Variants in TENM4 observed in about 807,000 individuals in gnomAD.
TENM4 encodes the protein teneurin transmembrane protein 4.
A neutral mutation model predicts 243.3 loss-of-function variants in TENM4; 82 were observed. The observed-to-expected ratio is 0.34, with a 90% CI of 0.28 to 0.40. The LOEUF is 0.40. Ranked by LOEUF, TENM4 falls within the 10% of genes least tolerant of loss-of-function variation. The pLI is 1.00. For missense variants in TENM4, 3,138 were observed against 3,673.3 expected, an observed-to-expected ratio of 0.85 and a Z score of 3.77; for synonymous variants, 1,412 against 1,456.3, an observed-to-expected ratio of 0.97 and a Z score of 0.69.
intron 1 of TENM4, among the ~76,000 whole-genome samples, chr11:79,326,586 G>A (rs1320885916): frequency 6.6e-6 from 1 of 152,138 alleles, no homozygotes; most frequent in Non-Finnish European, 1.5e-5. Context: ...TCCTCTTCCT[G>A]TCCTGCTCAC....
chr11:78,721,824 C>T (rs1859660329), intron 24 of TENM4, among the ~76,000 whole-genome samples: 1 of 152,126 alleles, frequency 6.6e-6, no homozygotes, highest in African/African-American at 2.4e-5. Flanking sequence ...GGCGCAATTC[C>T]TCTTGAAAGG....
At chr11:78,708,236 TG>T (rs1859304006) in intron 27 of TENM4, 124 bp downstream of exon 27, 3 of 1,288,586 alleles carry the variant, frequency 2.3e-6, no homozygotes, top group Non-Finnish European at 3.2e-6. Context: ...CATCACAGCC[TG>T]GCACCAAGTA....
intron 28 of TENM4, among the ~76,000 whole-genome samples, chr11:78,690,526 C>A (rs1046485928): frequency 6.6e-6 from 1 of 152,048 alleles, no homozygotes; most frequent in Non-Finnish European, 1.5e-5. Flanking sequence ...CAAGGTAAAA[C>A]CACACGTGAG....
chr11:78,815,430 C>T (rs1857587001), intron 12 of TENM4, among the ~76,000 whole-genome samples: 1 of 152,172 alleles, frequency 6.6e-6, no homozygotes. Flanking sequence ...GCACTACTTG[C>T]ATCCCCAGAC....
chr11:79,345,841 T>C (rs549262977), intron 1 of TENM4, among the ~76,000 whole-genome samples: 1 of 152,342 alleles, frequency 6.6e-6, no homozygotes, highest in South Asian at 2.1e-4. Flanking sequence ...GGAATGTATT[T>C]TAATAGGACT....
intron 1 of TENM4, among the ~76,000 whole-genome samples, chr11:79,366,730 G>T (rs373904239): frequency 6.6e-6 from 1 of 152,176 alleles, no homozygotes; most frequent in Non-Finnish European, 1.5e-5. Context: ...GGCCTGGGAA[G>T]GTACTATATT....
chr11:78,926,424 C>T (rs1345996345), intron 6 of TENM4, among the ~76,000 whole-genome samples: 1 of 151,902 alleles, frequency 6.6e-6, no homozygotes, highest in Non-Finnish European at 1.5e-5. Context: ...CAAGTGCATG[C>T]TACCACGCCT....
At chr11:79,329,722 A>C (rs1857031588) in intron 1 of TENM4, among the ~76,000 whole-genome samples, 1 of 152,242 alleles carries the variant, frequency 6.6e-6, no homozygotes, top group South Asian at 2.1e-4. Flanking sequence ...GAAGAAGGCC[A>C]GTGCATCAGA....
At chr11:78,855,934 G>A (rs1169290781) in intron 11 of TENM4, 30 bp downstream of exon 11, 1 of 1,546,836 alleles carries the variant, frequency 6.5e-7, no homozygotes, top group East Asian at 2.4e-5. Context: ...AGCCCATGCA[G>A]ATCAACAGGG....
At chr11:78,707,743 T>C (rs918677206) in intron 27 of TENM4, among the ~76,000 whole-genome samples, 1 of 152,234 alleles carries the variant, frequency 6.6e-6, no homozygotes, top group African/African-American at 2.4e-5. Flanking sequence ...TCATCACCTC[T>C]GAAGGGCCAA....
intron 32 of TENM4, among the ~76,000 whole-genome samples, chr11:78,663,416 G>A (rs762258747): frequency 2.6e-5 from 4 of 152,188 alleles, no homozygotes; most frequent in Non-Finnish European, 5.9e-5. Flanking sequence ...AATGGGGGGA[G>A]TTTGGGTCAT....
chr11:78,706,065 C>T (rs968577413), intron 27 of TENM4, among the ~76,000 whole-genome samples: 2 of 152,138 alleles, frequency 1.3e-5, no homozygotes, highest in Non-Finnish European at 2.9e-5. Flanking sequence ...TTTATAAATG[C>T]ATTTGCATTC....
intron 6 of TENM4, among the ~76,000 whole-genome samples, chr11:78,967,722 T>C (rs1857466033): frequency 6.6e-6 from 1 of 152,198 alleles, no homozygotes; most frequent in Admixed American, 6.5e-5. Context: ...GAAGGGAACC[T>C]GGCATTGCAG....
chr11:79,169,025 A>T (rs1467259974), intron 3 of TENM4, among the ~76,000 whole-genome samples: 1 of 152,186 alleles, frequency 6.6e-6, no homozygotes, highest in African/African-American at 2.4e-5. Context: ...TAGGGTGACC[A>T]GCTCATCCCC....
chr11:78,658,201 C>T lies in TENM4; in HGVS notation c.8167G>A (p.Gly2723Arg), dbSNP rs751296058. The T allele has an allele frequency of 1.1e-5, 17 of 1,613,944 alleles. No individual in the cohort carries two copies. The highest frequency in any genetic ancestry group is 5.3e-5 in the African/African-American group (4 of 74,946). The change falls in exon 34 of 34, where the codon GGG (glycine) becomes AGG (arginine). Residue 2723 changes from glycine (G) to arginine (R), a missense_variant. Gly to Arg is a moderately radical substitution (Grantham distance 125). This residue lies in a region of TENM4 where 2,467 missense variants were observed against 3,059.1 expected (regional missense o/e 0.81). Coordinates refer to ENST00000278550, the MANE Select transcript of TENM4 (RefSeq NM_001098816.3). ...GEEGLRAWTE[G>R]EKQQVLSTGR... is the part of the protein sequence containing the mutation. ...GTGCTCAGCACCTGCTGCTTCTCCC[C>T]CTCTGTCCAGGCCCGCAGGCCTTCC... is the stretch of plus-strand genomic sequence containing the variant.
chr11:78,674,218 C>G (rs1016402316), intron 30 of TENM4, among the ~76,000 whole-genome samples: 2 of 152,134 alleles, frequency 1.3e-5, no homozygotes, highest in African/African-American at 4.8e-5. Context: ...TCGGCAGTGG[C>G]GGCAATGAGA....
At chr11:78,908,978 CG>C (rs1363792735) in intron 6 of TENM4, among the ~76,000 whole-genome samples, 1 of 152,186 alleles carries the variant, frequency 6.6e-6, no homozygotes, top group Non-Finnish European at 1.5e-5. Flanking sequence ...GAGCAGAGCT[CG>C]GGGATCTCAC....
At position 79,069,792 on chromosome 11, in the gene TENM4, G is replaced by T. The variant is rs61745036; in HGVS notation, c.153C>A (p.Asp51Glu). ...CGCGGCTGCCATAGGCTAGGCGGGC[G>T]TCCTGGTCGTAGGCCTTCAGGGTCT... ...SSETLKAYDQ[D>E]ARLAYGSRVK... Residue 51 changes from aspartate (D) to glutamate (E), a missense_variant, in exon 5 of 34, where the codon GAC becomes GAA. Asp to Glu is a conservative substitution (Grantham distance 45). Coordinates refer to ENST00000278550, the MANE Select transcript of TENM4 (RefSeq NM_001098816.3). The T allele has an allele frequency of 1.9e-6, 3 of 1,551,224 alleles. No homozygotes were observed. Among genetic ancestry groups the T allele is most frequent in the South Asian group, 1.2e-5 (1 of 84,062 alleles).
At chr11:79,322,808 T>C (rs974875714) in intron 1 of TENM4, among the ~76,000 whole-genome samples, 2 of 152,286 alleles carry the variant, frequency 1.3e-5, no homozygotes, top group South Asian at 4.1e-4. Flanking sequence ...TAAAAATAAA[T>C]CAACTTCTCT....
Sources: gnomAD v4.1 joint callset for allele counts (sites outside exome capture counted in the v4.1 genomes callset) on GRCh38, gnomAD v4.1.1 for gene constraint, gnomAD v4.1.1 regional missense constraint, MANE v1.5 for transcripts, NCBI Gene and HGNC (gene_info 2026-07-23, HGNC 2026-07-21) for gene names.